The following CA13 variants were observed in gnomAD, a reference collection of about 807,000 sequenced individuals.
The protein encoded by CA13 is CA-XIII.
CA13 carries 21 observed loss-of-function variants against 31.5 expected under a neutral mutation model. The observed-to-expected ratio is 0.67, with a 90% CI of 0.47 to 0.96. The LOEUF (loss-of-function observed/expected upper bound fraction) is 0.96, where lower values mean the gene tolerates loss of function less well. Among genes scored for constraint, CA13 ranks in the 40% least tolerant of loss-of-function variants. CA13 has a pLI of 0.00. For synonymous variants in CA13, 117 were observed against 111.4 expected (o/e 1.05, Z -0.32); for missense variants, 315 against 318.9 (o/e 0.99, Z 0.09).
chr8:85,271,244 G>T lies in CA13; in HGVS notation c.669+2617G>T, dbSNP rs79756336. 4.9e-3 allele frequency among the ~76,000 whole-genome samples: 748 copies of T among 152,270 alleles called. 43 individuals carry two copies. In the East Asian group the frequency reaches 0.11, roughly 23 times the overall value. On this transcript the variant is annotated intron_variant, in intron 6 of 6. Transcript: ENST00000321764. ...TTCTCAAGGTTGTTAAAACTGCCAA[G>T]TTCATCAAAAACAAGGTAAGTCTGA...
At chr8:85,247,533 G>A (rs900591803) in intron 1 of CA13, among the ~76,000 whole-genome samples, 1 of 152,062 alleles carries the variant, frequency 6.6e-6, no homozygotes, top group African/African-American at 2.4e-5. Context: ...AAATCCTATT[G>A]GAAATGTATT....
rs117781127 is a variant in CA13 at position 85,267,523 on chromosome 8, G to A, written c.451-379G>A. 2.7e-4 allele frequency among the ~76,000 whole-genome samples: 41 copies of A among 152,234 alleles called. 1 individual carries two copies. The East Asian group carries it at 4.6e-3, about 17-fold the overall frequency. ...TAGTATTTTGATGCCACCATTGTCC[G>A]TTTGAATTGAGGGGCTGACTGTCAC... On this transcript the variant is annotated intron_variant, in intron 4 of 6. Coordinates refer to ENST00000321764, the MANE Select transcript of CA13 (RefSeq NM_198584.3).
chr8:85,282,578 CAT>C lies in CA13; in HGVS notation c.*1233_*1234del, dbSNP rs1245816691. The C allele has an allele frequency of 2.0e-5, 3 of 152,338 alleles. No homozygotes were observed. The East Asian group carries it at 5.8e-4, about 29-fold the overall frequency. 9.4% of individuals were successfully genotyped at this position (152,338 alleles called of 1,614,324 possible). A position where few individuals can be genotyped will look rare whatever the true frequency, so the allele number is the denominator to read the frequency against. ...TTTGTGGAAAAAATTACTTCAGTCT[CAT>C]ATAAATATAGAATGGGTCCATAAAC... On this transcript the variant is annotated 3_prime_UTR_variant, in exon 7 of 7. Transcript: ENST00000321764.
chr8:85,280,073 A>C (rs1438513644), intron 6 of CA13, among the ~76,000 whole-genome samples: 1 of 152,166 alleles, frequency 6.6e-6, no homozygotes, highest in African/African-American at 2.4e-5. Context: ...TGAGGTCAAG[A>C]GATCAAGACC....
intron 3 of CA13, among the ~76,000 whole-genome samples, chr8:85,263,473 G>A (rs1247177931): frequency 6.6e-6 from 1 of 152,226 alleles, no homozygotes; most frequent in Non-Finnish European, 1.5e-5. Flanking sequence ...CAAGTGAGCA[G>A]TGACAGTAAT....
At chr8:85,267,159 C>T in intron 4 of CA13, 1 of 705,508 alleles carries the variant, frequency 1.4e-6, no homozygotes, top group Non-Finnish European at 1.7e-6. Context: ...CAATTATTGT[C>T]ATCATACCTG....
intron 5 of CA13, among the ~76,000 whole-genome samples, chr8:85,268,231 A>G (rs1374373424): frequency 6.6e-6 from 1 of 152,234 alleles, no homozygotes; most frequent in African/African-American, 2.4e-5. Flanking sequence ...CATTTAAGGG[A>G]CCACTTATAT....
chr8:85,264,617 T>C (rs377039630), intron 3 of CA13, among the ~76,000 whole-genome samples: 1 of 152,330 alleles, frequency 6.6e-6, no homozygotes, highest in South Asian at 2.1e-4. Context: ...AGGATGGTTA[T>C]ATATAGGATA....
chr8:85,246,595 AAAT>A (rs756683060), intron 1 of CA13: 2 of 442,564 alleles, frequency 4.5e-6, no homozygotes, highest in Admixed American at 2.4e-5. Context: ...TTAATAGGAT[AAAT>A]AATAATGACA....
intron 3 of CA13, among the ~76,000 whole-genome samples, chr8:85,261,852 T>C (rs1807384689): frequency 6.6e-6 from 1 of 151,548 alleles, no homozygotes; most frequent in Non-Finnish European, 1.5e-5. Context: ...TCTTTTTTCT[T>C]TCTTTTTCTT....
At chr8:85,252,078 T>A (rs560907680) in intron 2 of CA13, among the ~76,000 whole-genome samples, 21 of 152,180 alleles carry the variant, frequency 1.4e-4, no homozygotes, top group African/African-American at 5.1e-4. Flanking sequence ...GGCAACATAG[T>A]GAGAACTTAT....
In CA13 at chr8:85,281,838, C is replaced by T. The variant is rs1807713232; in HGVS notation, c.*489C>T. 6.5e-6 allele frequency: 1 copy of T among 152,892 alleles called. No individual in the cohort carries two copies. The highest frequency in any genetic ancestry group is 1.5e-5 in the Non-Finnish European group (1 of 68,516). The allele number at this position is 152,892 out of a possible 1,614,324, so 9.5% of individuals were successfully genotyped here. On this transcript the variant is annotated 3_prime_UTR_variant, in exon 7 of 7. Transcript: ENST00000321764. The stretch of plus-strand genomic sequence containing the variant: ...CAGCTGACCCAGAGCTCTTTACTAA[C>T]TTATCTGTCTCTTATTTGCACTCAT...
At chr8:85,264,802 C>T (rs1218799049) in intron 3 of CA13, among the ~76,000 whole-genome samples, 4 of 152,232 alleles carry the variant, frequency 2.6e-5, no homozygotes, top group Non-Finnish European at 1.5e-5. Context: ...ATCAGCCCTT[C>T]CCTGACAGTG....
intron 3 of CA13, among the ~76,000 whole-genome samples, chr8:85,262,459 G>A (rs1807397081): frequency 6.6e-6 from 1 of 152,136 alleles, no homozygotes; most frequent in Admixed American, 6.5e-5. Flanking sequence ...TTGGGAAGGA[G>A]GCTCATACAT....
intron 1 of CA13, chr8:85,246,396 T>C: frequency 2.2e-6 from 1 of 456,156 alleles, no homozygotes; most frequent in Admixed American, 2.3e-5. Context: ...TTCCTAATAG[T>C]TGTTACTGTA....
At chr8:85,275,914 C>T (rs144530145) in intron 6 of CA13, among the ~76,000 whole-genome samples, 3,639 of 152,344 alleles carry the variant, frequency 0.024, 149 homozygotes, top group African/African-American at 0.083. Flanking sequence ...GTCCTCGCAG[C>T]CCTTGCTCGC....
chr8:85,256,223 TGTG>T (rs950384926), intron 2 of CA13, among the ~76,000 whole-genome samples: 7 of 152,196 alleles, frequency 4.6e-5, no homozygotes, highest in Non-Finnish European at 7.3e-5. Flanking sequence ...TTAAAAAATT[TGTG>T]GTACTAATTT....
Position 85,265,659 on chromosome 8 carries a change from T to C in CA13, c.355-949T>C, listed in dbSNP as rs145733407. ...TCAGCAAAGTATCTAAACATATTCA[T>C]AGAACGTGGTAAATGTATCAAAATG... On this transcript the variant is annotated intron_variant, in intron 3 of 6. Coordinates refer to ENST00000321764, the MANE Select transcript of CA13 (RefSeq NM_198584.3). 5.8e-3 allele frequency among the ~76,000 whole-genome samples: 876 copies of C among 152,204 alleles called. 13 individuals are homozygous for C. The highest frequency in any genetic ancestry group is 0.055 in the South Asian group (263 of 4,816).
intron 1 of CA13, among the ~76,000 whole-genome samples, chr8:85,246,890 A>G (rs1050260649): frequency 5.3e-5 from 8 of 152,208 alleles, no homozygotes; most frequent in African/African-American, 1.7e-4. Flanking sequence ...GTGAATAATA[A>G]TGCTTTCCTT....
Sources: allele counts gnomAD v4.1 joint callset (sites outside exome capture counted in the v4.1 genomes callset), GRCh38; gene constraint gnomAD v4.1.1; transcripts MANE v1.5; gene names NCBI Gene and HGNC (gene_info 2026-07-23, HGNC 2026-07-21).